Variants in KIAA1328 observed in about 807,000 individuals in gnomAD.
KIAA1328 encodes KIAA1328.
Under a neutral mutation model 68.1 loss-of-function variants are expected in KIAA1328, and 52 were observed. The ratio of observed to expected loss-of-function variants is 0.76; its 90% CI spans 0.61 to 0.96. KIAA1328 has a LOEUF of 0.96. KIAA1328 is among the 40% of genes least tolerant of loss of function. The pLI is 0.00. For missense variants in KIAA1328, 641 were observed against 677.6 expected, an observed-to-expected ratio of 0.95 and a Z score of 0.60; for synonymous variants, 232 against 239.4, an observed-to-expected ratio of 0.97 and a Z score of 0.28.
chr18:37,137,755 C>T (rs541798811), intron 7 of KIAA1328, among the ~76,000 whole-genome samples: 4 of 152,166 alleles, frequency 2.6e-5, no homozygotes, highest in Non-Finnish European at 4.4e-5. Flanking sequence ...TTCTCCTTCT[C>T]AATAGACCTC....
rs903595709 is a variant in KIAA1328 at position 37,193,832 on chromosome 18, T to G, written c.1523+20751T>G. The G allele has an allele frequency of 1.5e-5, 9 of 584,926 alleles. No homozygotes were observed. The Admixed American group carries it at 2.7e-4, about 18-fold the overall frequency. 36.2% of individuals were successfully genotyped at this position (584,926 alleles called of 1,614,324 possible). A position where few individuals can be genotyped will look rare whatever the true frequency, so the allele number is the denominator to read the frequency against. On this transcript the variant is annotated intron_variant, in intron 9 of 9. Transcript: ENST00000280020. ...AAAAGTGGGTTTCCTCACATCTCAG[T>G]CTCTCAACCAAGTACCCTTCTACCC...
intron 6 of KIAA1328, among the ~76,000 whole-genome samples, chr18:36,990,370 A>G (rs1038805345): frequency 3.9e-5 from 6 of 152,156 alleles, no homozygotes; most frequent in African/African-American, 7.2e-5. Flanking sequence ...TAGTCAATTT[A>G]TATATACATT....
At chr18:37,185,717 A>T (rs1354880563) in intron 9 of KIAA1328, among the ~76,000 whole-genome samples, 2 of 135,156 alleles carry the variant, frequency 1.5e-5, no homozygotes, top group Non-Finnish European at 1.5e-5. Context: ...ACCTACTGAT[A>T]TATACACACA....
At chr18:36,953,626 T>C (rs902686495) in intron 5 of KIAA1328, among the ~76,000 whole-genome samples, 9 of 152,148 alleles carry the variant, frequency 5.9e-5, no homozygotes, top group African/African-American at 2.2e-4. Flanking sequence ...AATCTTGATC[T>C]AATACAGAAC....
rs539479647 is a variant in KIAA1328, at chr18:36,959,348, C to G, written c.489C>G (p.Ser163Arg). The G allele has an allele frequency of 6.2e-7, 1 of 1,605,632 alleles. No homozygotes were observed. Among genetic ancestry groups the G allele is most frequent in the Non-Finnish European group, 8.5e-7 (1 of 1,176,242 alleles). Residue 163 changes from serine to arginine, a missense_variant, in exon 6 of 10, where the codon AGC (serine) becomes AGG (arginine). By Grantham distance (110) the Ser-to-Arg change is moderately radical. Transcript: ENST00000280020. ...LQYRECQELL[S>R]LYQKYLSEQQ... ...ATAGAGAATGCCAAGAACTTCTAAG[C>G]CTGTATCAGAAATATTTATCAGAAC... is the stretch of plus-strand genomic sequence containing the variant.
chr18:36,983,153 C>T (rs982304777), intron 6 of KIAA1328, among the ~76,000 whole-genome samples: 6 of 151,524 alleles, frequency 4.0e-5, no homozygotes, highest in South Asian at 2.1e-4. Flanking sequence ...GTTTAAGCAC[C>T]GCAATTAAAA....
At chr18:37,183,646 AG>A (rs2059740019) in intron 9 of KIAA1328, among the ~76,000 whole-genome samples, 2 of 152,254 alleles carry the variant, frequency 1.3e-5, no homozygotes, top group South Asian at 4.1e-4. Context: ...ATAAGCCTGC[AG>A]TGAAAAAACT....
At chr18:37,162,282 A>T (rs1391458238) in intron 8 of KIAA1328, among the ~76,000 whole-genome samples, 3 of 141,948 alleles carry the variant, frequency 2.1e-5, no homozygotes, top group Non-Finnish European at 3.1e-5. Flanking sequence ...GTGTTGCAAT[A>T]AAAAAAAAAA....
At chr18:37,053,963 GAAA>G (rs200354807) in intron 6 of KIAA1328, among the ~76,000 whole-genome samples, 4 of 123,714 alleles carry the variant, frequency 3.2e-5, no homozygotes, top group African/African-American at 1.2e-4. Flanking sequence ...AGATCAACAA[GAAA>G]AAAAAAAAAA....
chr18:37,108,471 G>A (rs545319512), intron 7 of KIAA1328, among the ~76,000 whole-genome samples: 23 of 152,130 alleles, frequency 1.5e-4, no homozygotes, highest in African/African-American at 3.4e-4. Flanking sequence ...CAATATTCCC[G>A]TGTAACAAAT....
chr18:37,004,193 C>G (rs1398625259), intron 6 of KIAA1328, among the ~76,000 whole-genome samples: 1 of 151,940 alleles, frequency 6.6e-6, no homozygotes, highest in Non-Finnish European at 1.5e-5. Flanking sequence ...GTCATTTTCA[C>G]AATATTGATC....
chr18:36,839,583 G>A (rs778966371), intron 3 of KIAA1328, among the ~76,000 whole-genome samples: 1 of 152,142 alleles, frequency 6.6e-6, no homozygotes, highest in African/African-American at 2.4e-5. Context: ...ATTATAGGCT[G>A]TATTTTTCTG....
chr18:37,208,203 T>C (rs2060252267), intron 9 of KIAA1328, among the ~76,000 whole-genome samples: 1 of 152,148 alleles, frequency 6.6e-6, no homozygotes, highest in South Asian at 2.1e-4. Context: ...TCCCCCTACA[T>C]TGGTCTGGTG....
At position 37,067,474 on chromosome 18, in the gene KIAA1328, G is replaced by C; in HGVS notation, c.1161G>C (p.Leu387=). Residue 387 remains leucine, a synonymous_variant, in exon 7 of 10, where the codon CTG becomes CTC. Transcript: ENST00000280020. ...LEIEKERLQH[L]LAQQETKLLL... ...TTGAAAAGGAGCGCCTTCAGCATCT[G>C]CTGGCCCAGCAGGAGACAAAGCTTC... 4 of 1,556,198 alleles carry C rather than the reference G, an allele frequency of 2.6e-6. No individual in the cohort carries two copies. Among genetic ancestry groups the C allele is most frequent in the Non-Finnish European group, 3.5e-6 (4 of 1,151,702 alleles).
chr18:37,137,422 A>T (rs890800315), intron 7 of KIAA1328, among the ~76,000 whole-genome samples: 3 of 151,924 alleles, frequency 2.0e-5, no homozygotes, highest in African/African-American at 7.2e-5. Flanking sequence ...TTTTTTCCAT[A>T]TTTCTTGAGA....
At chr18:37,134,704 AT>A (rs1269800457) in intron 7 of KIAA1328, among the ~76,000 whole-genome samples, 1 of 152,208 alleles carries the variant, frequency 6.6e-6, no homozygotes, top group Non-Finnish European at 1.5e-5. Flanking sequence ...ATTTTTTAAA[AT>A]AATTTCAACT....
chr18:36,953,736 T>C (rs1359235066), intron 5 of KIAA1328, among the ~76,000 whole-genome samples: 1 of 151,980 alleles, frequency 6.6e-6, no homozygotes, highest in Non-Finnish European at 1.5e-5. Context: ...CTGATAAAAT[T>C]AGTAGTAATT....
At chr18:36,886,482 G>A (rs2048504591) in intron 5 of KIAA1328, 1 of 151,728 alleles carries the variant, frequency 6.6e-6, no homozygotes, top group Non-Finnish European at 1.5e-5. Flanking sequence ...GAAAACTATT[G>A]GGTTTAGACC....
chr18:37,094,530 T>C (rs1037832647), intron 7 of KIAA1328, among the ~76,000 whole-genome samples: 8 of 152,002 alleles, frequency 5.3e-5, no homozygotes, highest in African/African-American at 1.9e-4. Context: ...GTGTCTACCA[T>C]CATGAAAACA....
Sources: gnomAD v4.1 joint callset for allele counts (sites outside exome capture counted in the v4.1 genomes callset) on GRCh38, gnomAD v4.1.1 for gene constraint, MANE v1.5 for transcripts, NCBI Gene and HGNC (gene_info 2026-07-23, HGNC 2026-07-21) for gene names.